Variants in GPR137B observed in about 807,000 individuals in gnomAD.
GPR137B encodes integral membrane protein GPR137B.
Under a neutral mutation model 42.5 loss-of-function variants are expected in GPR137B, and 42 were observed. The ratio of observed to expected loss-of-function variants is 0.99; its 90% CI spans 0.77 to 1.28. The LOEUF (loss-of-function observed/expected upper bound fraction) is 1.28. GPR137B is among the 50% of genes most tolerant of loss of function. The pLI, the probability that GPR137B is intolerant of heterozygous loss-of-function variation, is 0.00. For synonymous variants in GPR137B, 218 were observed against 209.7 expected, an observed-to-expected ratio of 1.04 and a Z score of -0.34; for missense variants, 487 against 493.9, an observed-to-expected ratio of 0.99 and a Z score of 0.13.
Position 236,166,491 on chromosome 1 carries a change from T to TATA in GPR137B, c.415-2214_415-2213insTAA, listed in dbSNP as rs1425994492. On this transcript the variant is annotated intron_variant, in intron 1 of 6. Transcript: ENST00000366592. ...TATATACATTATATATATTTATATA[T>TATA]ACATATATATATTTATATATATACA... is the stretch of plus-strand genomic sequence containing the variant. 4.6e-3 allele frequency among the ~76,000 whole-genome samples: 612 copies of TATA among 132,602 alleles called. 12 individuals carry two copies. The highest frequency in any genetic ancestry group is 0.021 in the African/African-American group (567 of 27,028). The allele number at this position is 132,602 out of a possible 152,430, so 87.0% of individuals were successfully genotyped here.
chr1:236,154,375 T>A (rs529211309), intron 1 of GPR137B, among the ~76,000 whole-genome samples: 2 of 152,194 alleles, frequency 1.3e-5, no homozygotes, highest in East Asian at 3.9e-4. Flanking sequence ...CAGCATATAT[T>A]GTGTCTTCCC....
chr1:236,166,920 A>G (rs1044773330), intron 1 of GPR137B, among the ~76,000 whole-genome samples: 1 of 152,078 alleles, frequency 6.6e-6, no homozygotes, highest in African/African-American at 2.4e-5. Flanking sequence ...CTCCCTGAGA[A>G]GCAGCGGAGA....
intron 2 of GPR137B, among the ~76,000 whole-genome samples, chr1:236,178,081 C>A (rs1344827035): frequency 6.6e-6 from 1 of 152,092 alleles, no homozygotes. Flanking sequence ...TGTCAGAATG[C>A]CTATAAAACG....
chr1:236,157,286 G>T (rs1380723111), intron 1 of GPR137B, among the ~76,000 whole-genome samples: 1 of 151,220 alleles, frequency 6.6e-6, no homozygotes, highest in African/African-American at 2.4e-5. Context: ...GTGCAGTGGC[G>T]CGATCTCTGC....
At chr1:236,173,394 T>C (rs1195459337) in intron 2 of GPR137B, among the ~76,000 whole-genome samples, 1 of 113,250 alleles carries the variant, frequency 8.8e-6, no homozygotes. Context: ...GAAAGACAGG[T>C]AGGGAAAGAG....
intron 1 of GPR137B, among the ~76,000 whole-genome samples, chr1:236,147,039 C>T (rs1287795304): frequency 1.3e-5 from 2 of 152,202 alleles, no homozygotes; most frequent in African/African-American, 2.4e-5. Flanking sequence ...GAACTCCTGA[C>T]CTCAGGTGAT....
At chr1:236,187,692 T>TCTGTTTTGGTACCGGTACCATG (rs1663072975) in intron 5 of GPR137B, among the ~76,000 whole-genome samples, 4 of 129,132 alleles carry the variant, frequency 3.1e-5, no homozygotes, top group African/African-American at 1.1e-4. Flanking sequence ...GGTCTATATA[T>TCTGTTTTGGTACCGGTACCATG]CTGTTTTGGT....
chr1:236,183,282 C>T (rs1662933879), intron 4 of GPR137B, among the ~76,000 whole-genome samples: 1 of 152,162 alleles, frequency 6.6e-6, no homozygotes, highest in South Asian at 2.1e-4. Context: ...GAAAGTTGAC[C>T]TCTTTATCCT....
intron 5 of GPR137B, among the ~76,000 whole-genome samples, chr1:236,197,135 T>C (rs1663362147): frequency 6.6e-6 from 1 of 152,218 alleles, no homozygotes; most frequent in African/African-American, 2.4e-5. Flanking sequence ...CTCTGAGAAT[T>C]AGTGATGTTG....
intron 5 of GPR137B, among the ~76,000 whole-genome samples, chr1:236,188,927 TC>T (rs1234217381): frequency 6.6e-6 from 1 of 152,176 alleles, no homozygotes; most frequent in Non-Finnish European, 1.5e-5. Flanking sequence ...CTGGTAGAAT[TC>T]GGCTGTGAAT....
rs1571976072 is a variant in GPR137B at position 236,166,484 on chromosome 1, T to TA, written c.415-2222_415-2221insA. Among the ~76,000 whole-genome samples, 17 of 139,578 alleles carry TA rather than the reference T, an allele frequency of 1.2e-4. No homozygotes were observed. In the East Asian group the frequency reaches 2.8e-3, roughly 23 times the overall value. 91.6% of individuals were successfully genotyped at this position (139,578 alleles called of 152,430 possible). ...TATTAAATATATACATTATATATAT[T>TA]TATATATACATATATATATTTATAT... On this transcript the variant is annotated intron_variant, in intron 1 of 6. Coordinates refer to ENST00000366592, the MANE Select transcript of GPR137B (RefSeq NM_003272.4).
At chr1:236,183,742 C>T in intron 4 of GPR137B, 36 bp from the exon 5 acceptor site, 4 of 1,532,618 alleles carry the variant, frequency 2.6e-6, no homozygotes, top group Non-Finnish European at 2.7e-6. Flanking sequence ...TTCCTCTTCC[C>T]TTGGTCTGAT....
chr1:236,143,708 G>GCTGA (rs1320925454), intron 1 of GPR137B, among the ~76,000 whole-genome samples: 1 of 152,188 alleles, frequency 6.6e-6, no homozygotes, highest in Non-Finnish European at 1.5e-5. Context: ...GGCCATAAAA[G>GCTGA]CTGACTGGGG....
At position 236,205,185 on chromosome 1, in the gene GPR137B, C is replaced by T. The variant is rs1200972519; in HGVS notation, c.1026C>T (p.Asn342=). 1 of 1,612,112 alleles carries T rather than the reference C, an allele frequency of 6.2e-7. No homozygotes were observed. Among genetic ancestry groups the T allele is most frequent in the Non-Finnish European group, 8.5e-7 (1 of 1,178,186 alleles). ...GTCCCAGATCTTATTTCTTTGACAA[C>T]CCTCGAAGATATGACAGTGATGATG... ...GFSPRSYFFD[N]PRRYDSDDDL... Residue 342 remains asparagine (N), a synonymous_variant, in exon 6 of 7, where the codon AAC becomes AAT. Transcript: ENST00000366592.
At position 236,171,991 on chromosome 1, in the gene GPR137B, A is replaced by G. The variant is rs1662549314; in HGVS notation, c.464+3236A>G. Among the ~76,000 whole-genome samples the G allele has an allele frequency of 1.3e-5, 2 of 150,736 alleles. No individual in the cohort carries two copies. Among genetic ancestry groups the G allele is most frequent in the African/African-American group, 2.5e-5 (1 of 40,732 alleles). On this transcript the variant is annotated intron_variant, in intron 2 of 6. Transcript: ENST00000366592. This position sits in a 1 kb window ranked among gnomAD's most constrained non-coding sequence, Gnocchi z 4.4. ...GAGGTTGAGGTTGCAGTGAGCCGAG[A>G]TTGTGCCATTGCACTCCAGCCTGGG...
rs562504942 is a variant in GPR137B, at chr1:236,181,893, A to AT, written c.838-1867dup. On this transcript the variant is annotated intron_variant, in intron 4 of 6. Transcript: ENST00000366592. Reference sequence around the variant, plus strand: ...TAGTAAAATACACATAATATTTGCTATTTTTTTTTTTTTTTTTTGAGACGG... The same window carrying AT: ...TAGTAAAATACACATAATATTTGCTATTTTTTTTTTTTTTTTTTTGAGACGG... Among the ~76,000 whole-genome samples the AT allele has an allele frequency of 8.2e-3, 993 of 121,510 alleles. 28 individuals carry two copies. Among genetic ancestry groups the AT allele is most frequent in the South Asian group, 0.024 (93 of 3,836 alleles). The allele number at this position is 121,510 out of a possible 152,430, so 79.7% of individuals were successfully genotyped here.
chr1:236,172,184 T>C (rs1662555993), intron 2 of GPR137B, among the ~76,000 whole-genome samples: 1 of 152,234 alleles, frequency 6.6e-6, no homozygotes, highest in African/African-American at 2.4e-5. Context: ...CTAGGAGTTA[T>C]TCCTGTGTAG....
intron 1 of GPR137B, among the ~76,000 whole-genome samples, chr1:236,145,377 C>CAA (rs1234580860): frequency 8.5e-5 from 13 of 152,318 alleles, no homozygotes; most frequent in African/African-American, 2.4e-4. Context: ...GGAGAAGGGG[C>CAA]TGACAGCTAA....
In GPR137B at chr1:236,208,395, C is replaced by T; in HGVS notation, c.*237C>T. 1 of 1,102,006 alleles carries T rather than the reference C, an allele frequency of 9.1e-7. No individual in the cohort carries two copies. The allele number at this position is 1,102,006 out of a possible 1,614,324, so 68.3% of individuals were successfully genotyped here. A position where few individuals can be genotyped will look rare whatever the true frequency, so the allele number is the denominator to read the frequency against. ...ATAATTTAAACTTTTTAAAGAAAAT[C>T]TGTACTTTTATAAAGATGTATTTTG... On this transcript the variant is annotated 3_prime_UTR_variant, in exon 7 of 7. Transcript: ENST00000366592.
Sources: allele counts gnomAD v4.1 joint callset (sites outside exome capture counted in the v4.1 genomes callset), GRCh38; gene constraint gnomAD v4.1.1; non-coding constraint Gnocchi (gnomAD v3.1); transcripts MANE v1.5; gene names NCBI Gene and HGNC (gene_info 2026-07-23, HGNC 2026-07-21).